PKD1L3: variants seen among roughly 807,000 people sequenced by gnomAD.
PKD1L3 encodes polycystin 1 like 3, transient receptor potential channel interacting.
Under a neutral mutation model 184.1 loss-of-function variants are expected in PKD1L3, and 239 were observed. The ratio of observed to expected loss-of-function variants is 1.30; its 90% CI spans 1.17 to 1.45. The LOEUF (loss-of-function observed/expected upper bound fraction) is 1.45, where lower values mean the gene tolerates loss of function less well. Ranked by LOEUF, PKD1L3 falls within the 40% of genes most tolerant of loss-of-function variation. The probability of loss-of-function intolerance (pLI) is 0.00; values close to 1 mark genes in which losing one functional copy is unlikely to be tolerated. For missense variants in PKD1L3, 2,660 were observed against 2,067.2 expected (o/e 1.29, Z -5.56); for synonymous variants, 996 against 778.8 (o/e 1.28, Z -4.64).
At chr16:71,982,947 A>G (rs1009070989) in intron 6 of PKD1L3, among the ~76,000 whole-genome samples, 1 of 152,094 alleles carries the variant, frequency 6.6e-6, no homozygotes, top group Non-Finnish European at 1.5e-5. Flanking sequence ...TTCGTTATAC[A>G]TTTCAAATGC....
chr16:71,978,798 C>T (rs2040036710), intron 9 of PKD1L3, among the ~76,000 whole-genome samples: 1 of 151,922 alleles, frequency 6.6e-6, no homozygotes, highest in Admixed American at 6.6e-5. Flanking sequence ...CCTCAGCCTC[C>T]CAAAGTGTTG....
chr16:71,967,974 T>C lies in PKD1L3; in HGVS notation c.2218A>G (p.Ser740Gly). 1 of 1,551,530 alleles carries C rather than the reference T, an allele frequency of 6.4e-7. No homozygotes were observed. Among genetic ancestry groups the C allele is most frequent in the Non-Finnish European group, 8.7e-7 (1 of 1,146,876 alleles). ...KVTVLADNDP[S>G]AQFHYLIQVY... ...TGAATAAGGTAGTGAAATTGAGCGC[T>C]GGGGTCATTATCAGCCAGGACAGTG... Residue 740 changes from serine (S) to glycine (G), a missense_variant, in exon 14 of 30, where the codon AGC (serine) becomes GGC (glycine). Ser to Gly is a moderately conservative substitution (Grantham distance 56). Coordinates refer to ENST00000620267, the MANE Select transcript of PKD1L3 (RefSeq NM_181536.2).
rs181740627 is a variant in PKD1L3 at position 71,987,989 on chromosome 16, T to C, written c.586-1520A>G. Among the ~76,000 whole-genome samples the C allele has an allele frequency of 3.3e-5, 5 of 152,148 alleles. No individual in the cohort carries two copies. The East Asian group carries it at 9.7e-4, about 29-fold the overall frequency. On this transcript the variant is annotated intron_variant, in intron 4 of 29. Transcript: ENST00000620267. ...ATAAGATCCCAGGGCCAGGGGAGTGTCATATATCAGGCAGTTGAAGGGAAT... is the reference window on the plus strand; with the variant it reads ...ATAAGATCCCAGGGCCAGGGGAGTGCCATATATCAGGCAGTTGAAGGGAAT...
rs1469675118 is a variant in PKD1L3 at position 71,952,908 on chromosome 16, T to C, written c.2995A>G (p.Thr999Ala). The C allele has an allele frequency of 6.5e-7, 1 of 1,545,000 alleles. No homozygotes were observed. Among genetic ancestry groups the C allele is most frequent in the Non-Finnish European group, 8.7e-7 (1 of 1,145,382 alleles). Residue 999 changes from threonine (T) to alanine (A), a missense_variant, in exon 18 of 30, where the codon ACA becomes GCA. Physicochemically the swap from Thr to Ala is moderately conservative, Grantham distance 58. Coordinates refer to ENST00000620267, the MANE Select transcript of PKD1L3 (RefSeq NM_181536.2). Reference protein sequence around the residue: ...SDASVEPLSATMVVEELKETV... With the variant: ...SDASVEPLSAAMVVEELKETV... ...ACCAATCTTACCTCAACTACCATTG[T>C]GGCAGAGAGAGGCTCAACAGAAGCA...
At chr16:71,985,087 A>G (rs1429990486) in intron 5 of PKD1L3, among the ~76,000 whole-genome samples, 1 of 152,130 alleles carries the variant, frequency 6.6e-6, no homozygotes, top group African/African-American at 2.4e-5. Context: ...TAATTCAACC[A>G]CATATTCAAG....
chr16:71,955,644 G>C (rs1289882159), intron 16 of PKD1L3, among the ~76,000 whole-genome samples: 1 of 151,912 alleles, frequency 6.6e-6, no homozygotes, highest in Non-Finnish European at 1.5e-5. Context: ...ACACCTAATA[G>C]GGCTTAGCTG....
chr16:71,959,527 T>C (rs1463479001), intron 16 of PKD1L3, among the ~76,000 whole-genome samples: 1 of 152,214 alleles, frequency 6.6e-6, no homozygotes, highest in African/African-American at 2.4e-5. Flanking sequence ...AAAAACCTTT[T>C]TTGTGCATCT....
intron 19 of PKD1L3, 150 bp downstream of exon 19, chr16:71,951,414 C>T: frequency 1.4e-6 from 1 of 710,456 alleles, no homozygotes; most frequent in Non-Finnish European, 2.3e-6. Flanking sequence ...GAGAACAAAG[C>T]TATCAACTCT....
Position 71,954,112 on chromosome 16 carries a change from A to G in PKD1L3, c.2802T>C (p.Asp934=). 1.3e-6 allele frequency: 2 copies of G among 1,536,070 alleles called. No homozygotes were observed. Among genetic ancestry groups the G allele is most frequent in the Middle Eastern group, 1.7e-4 (1 of 5,892 alleles). ...WKINSTTAKR[D]EQMRPFAVAW... is the part of the protein sequence containing the mutation. ...ATCAGGGCTCATCCATACTTTGCTC[A>G]TCTCTCTTGGCAGTGGTGCTGTTTA... Residue 934 remains aspartate, a synonymous_variant, in exon 17 of 30, where the codon GAT becomes GAC. Coordinates refer to ENST00000620267, the MANE Select transcript of PKD1L3 (RefSeq NM_181536.2).
At position 71,977,364 on chromosome 16, in the gene PKD1L3, G is replaced by A. The variant is rs1175292136; in HGVS notation, c.1631C>T (p.Ser544Phe). The A allele has an allele frequency of 4.5e-5, 69 of 1,550,068 alleles. No individual in the cohort carries two copies. Among genetic ancestry groups the A allele is most frequent in the Non-Finnish European group, 6.0e-5 (69 of 1,145,646 alleles). Residue 544 changes from serine (S) to phenylalanine (F), a missense_variant, in exon 11 of 30, where the codon TCC becomes TTC. Coordinates refer to ENST00000620267, the MANE Select transcript of PKD1L3 (RefSeq NM_181536.2). ...GTCAGGATCTATGCTCACTATCAAG[G>A]ATTTCTCCAAGGAAGTGACGTTCAC... The part of the protein sequence containing the change: ...ITVNVTSLEK[S>F]LIVSIDPDSP...
intron 13 of PKD1L3, 84 bp from the exon 14 acceptor site, chr16:71,968,091 G>C: frequency 8.9e-7 from 1 of 1,122,492 alleles, no homozygotes. Context: ...GCAGGAGGAT[G>C]AACTCCGGCA....
At chr16:71,947,180 C>A (rs938346964) in intron 22 of PKD1L3, among the ~76,000 whole-genome samples, 1 of 152,032 alleles carries the variant, frequency 6.6e-6, no homozygotes, top group Non-Finnish European at 1.5e-5. Flanking sequence ...TCGCTTGAAC[C>A]CAGGAGGTGG....
At chr16:71,965,808 C>A (rs1443406937) in intron 15 of PKD1L3, among the ~76,000 whole-genome samples, 2 of 152,136 alleles carry the variant, frequency 1.3e-5, no homozygotes, top group African/African-American at 4.8e-5. Flanking sequence ...CCAACCTCGG[C>A]CTCCCAAAGT....
At chr16:71,960,269 A>G (rs2039226040) in intron 16 of PKD1L3, among the ~76,000 whole-genome samples, 1 of 152,140 alleles carries the variant, frequency 6.6e-6, no homozygotes. Context: ...GCAAAATAAT[A>G]TGGTAAATTA....
At chr16:71,991,679 C>CA (rs1267433450) in intron 3 of PKD1L3, among the ~76,000 whole-genome samples, 5 of 152,072 alleles carry the variant, frequency 3.3e-5, no homozygotes, top group African/African-American at 9.7e-5. Flanking sequence ...TTCCTAAGGA[C>CA]AAAACCACAA....
At chr16:71,996,331 G>C (rs1195100234) in intron 2 of PKD1L3, among the ~76,000 whole-genome samples, 5 of 138,220 alleles carry the variant, frequency 3.6e-5, no homozygotes, top group Non-Finnish European at 7.6e-5. Context: ...GCGCAATCTT[G>C]GCTGACTGCA....
chr16:71,959,340 G>A (rs945449852), intron 16 of PKD1L3, among the ~76,000 whole-genome samples: 3 of 152,088 alleles, frequency 2.0e-5, no homozygotes, highest in Non-Finnish European at 4.4e-5. Flanking sequence ...AACCTGGGAG[G>A]TGGAGGTTGT....
In PKD1L3 at chr16:71,954,151, A is replaced by G. The variant is rs758845707; in HGVS notation, c.2763T>C (p.Val921=). 1 of 1,550,718 alleles carries G rather than the reference A, an allele frequency of 6.4e-7. No individual in the cohort carries two copies. The highest frequency in any genetic ancestry group is 8.7e-7 in the Non-Finnish European group (1 of 1,146,570). Residue 921 remains valine (V), a synonymous_variant, in exon 17 of 30, where the codon GTT becomes GTC. Transcript: ENST00000620267. Reference sequence around the variant, plus strand: ...TGGTGCTGTTTATCTTCCAGAACATAACATTGATGACCATGTTGCAGAGTA... The same window carrying G: ...TGGTGCTGTTTATCTTCCAGAACATGACATTGATGACCATGTTGCAGAGTA... ...TLLLCNMVIN[V]MFWKINSTTA... is the part of the protein sequence containing the mutation.
At chr16:71,945,388 ATATATATATATT>A (rs1567498731) in intron 22 of PKD1L3, among the ~76,000 whole-genome samples, 3 of 65,990 alleles carry the variant, frequency 4.5e-5, no homozygotes, top group African/African-American at 1.5e-4. Context: ...ACACACATAT[ATATATATATATT>A]TATTTATTTA....
Sources: gnomAD v4.1 joint callset for allele counts (sites outside exome capture counted in the v4.1 genomes callset) on GRCh38, gnomAD v4.1.1 for gene constraint, MANE v1.5 for transcripts, NCBI Gene and HGNC (gene_info 2026-07-23, HGNC 2026-07-21) for gene names.